Variants in CAPN9 observed in about 807,000 individuals in gnomAD.
The protein encoded by CAPN9 is calpain-9.
In CAPN9, 81 loss-of-function variants were observed where a neutral mutation model predicts 92.8. The observed-to-expected ratio is 0.87, with a 90% confidence interval of 0.73 to 1.05. CAPN9 has a LOEUF of 1.05. CAPN9 is among the 50% of genes least tolerant of loss of function. The probability of loss-of-function intolerance (pLI) is 0.00; values close to 1 mark genes in which losing one functional copy is unlikely to be tolerated. For synonymous variants in CAPN9, 304 were observed against 328.0 expected (o/e 0.93, Z 0.79); for missense variants, 848 against 866.2 (o/e 0.98, Z 0.26).
chr1:230,755,366 T>C lies in CAPN9; in HGVS notation c.243T>C (p.Leu81=). The C allele has an allele frequency of 6.2e-7, 1 of 1,610,494 alleles. No homozygotes were observed. ...GEIVKNPEFI[L]GGATRTDICQ... ...TCGTGAAAAACCCAGAATTCATTCTTGGAGGGGCCACCAGGACTGATATCT... is the reference window on the plus strand; with the variant it reads ...TCGTGAAAAACCCAGAATTCATTCTCGGAGGGGCCACCAGGACTGATATCT... Residue 81 remains leucine, a synonymous_variant, in exon 2 of 20, where the codon CTT becomes CTC. Coordinates refer to ENST00000271971, the MANE Select transcript of CAPN9 (RefSeq NM_006615.3).
At position 230,791,982 on chromosome 1, in the gene CAPN9, CAGTAG is replaced by C. The variant is rs1391873558; in HGVS notation, c.1722+59_1722+63del. 6 of 1,276,016 alleles carry C rather than the reference CAGTAG, an allele frequency of 4.7e-6. No homozygotes were observed. In the East Asian group the frequency reaches 1.4e-4, roughly 29 times the overall value. The allele number at this position is 1,276,016 out of a possible 1,614,324, so 79.0% of individuals were successfully genotyped here. A position where few individuals can be genotyped will look rare whatever the true frequency, so the allele number is the denominator to read the frequency against. ...AGACATGGATCCTGGGCTTTAAGCA[CAGTAG>C]AGTAATCTTCAATAGTGCAGACTCT... On this transcript the variant is annotated intron_variant, in intron 15 of 19. Coordinates refer to ENST00000271971, the MANE Select transcript of CAPN9 (RefSeq NM_006615.3).
chr1:230,783,030 T>C (rs1167265461), intron 11 of CAPN9, among the ~76,000 whole-genome samples: 1 of 151,942 alleles, frequency 6.6e-6, no homozygotes, highest in East Asian at 1.9e-4. Flanking sequence ...AAAATGGTGG[T>C]TTTTTTGGTT....
chr1:230,755,204 C>A (rs1206390820), intron 1 of CAPN9, 133 bp from the exon 2 acceptor site: 7 of 684,698 alleles, frequency 1.0e-5, no homozygotes, highest in Middle Eastern at 2.6e-4. Context: ...ATCCACGTGG[C>A]CCTCCTCAGG....
At chr1:230,751,507 G>A (rs111328775) in intron 1 of CAPN9, among the ~76,000 whole-genome samples, 27,063 of 145,878 alleles carry the variant, frequency 0.19, 3,090 homozygotes, top group Non-Finnish European at 0.25. Context: ...AGGAAGGAAA[G>A]AAGGAAGGAA....
intron 3 of CAPN9, among the ~76,000 whole-genome samples, chr1:230,760,772 G>A (rs1665583114): frequency 6.6e-6 from 1 of 152,214 alleles, no homozygotes; most frequent in South Asian, 2.1e-4. Context: ...CCAGGAGCCG[G>A]TCTTTCCCCA....
At chr1:230,792,387 G>T in intron 15 of CAPN9, 39 bp from the exon 16 acceptor site, 1 of 1,586,800 alleles carries the variant, frequency 6.3e-7, no homozygotes, top group South Asian at 1.1e-5. Context: ...GCCTCAGGTT[G>T]AAACACTGCT....
intron 19 of CAPN9, among the ~76,000 whole-genome samples, chr1:230,800,298 GAAA>G (rs1668640121): frequency 2.1e-5 from 2 of 95,850 alleles, no homozygotes; most frequent in African/African-American, 7.9e-5. Flanking sequence ...AAGAAAGAAA[GAAA>G]GAAAGGAAAA....
Position 230,774,535 on chromosome 1 carries a change from C to A in CAPN9, c.876-19C>A. ...TTCATCATGACCTCTGCCTGAACAC[C>A]AATTTTGTTTACTCCTAGTTCTCCG... On this transcript the variant is annotated intron_variant, in intron 7 of 19. Coordinates refer to ENST00000271971, the MANE Select transcript of CAPN9 (RefSeq NM_006615.3). 6.3e-7 allele frequency: 1 copy of A among 1,588,172 alleles called. No homozygotes were observed. The highest frequency in any genetic ancestry group is 8.6e-7 in the Non-Finnish European group (1 of 1,156,394).
rs1558100247 is a variant in CAPN9 at position 230,774,744 on chromosome 1, T to TTCTTTC, written c.953+114_953+115insCTTTCT. ...TCCTTTTTCTTTCTTTCTTTCTTTT[T>TTCTTTC]TTTTTTTTTTTTTTGAGACGGAGTT... On this transcript the variant is annotated intron_variant, in intron 8 of 19. Coordinates refer to ENST00000271971, the MANE Select transcript of CAPN9 (RefSeq NM_006615.3). 4.4e-3 allele frequency: 2,531 copies of TTCTTTC among 575,442 alleles called. 2 individuals carry two copies. The highest frequency in any genetic ancestry group is 0.012 in the Middle Eastern group (25 of 2,110). 35.6% of individuals were successfully genotyped at this position (575,442 alleles called of 1,614,324 possible).
At chr1:230,756,305 T>TGA (rs113474263) in intron 2 of CAPN9, among the ~76,000 whole-genome samples, 7,907 of 141,250 alleles carry the variant, frequency 0.056, 249 homozygotes, top group Non-Finnish European at 0.067. Flanking sequence ...GAGAGACAAT[T>TGA]GAGAGAGAGA....
chr1:230,755,653 G>C (rs1665176865), intron 2 of CAPN9, among the ~76,000 whole-genome samples: 1 of 152,196 alleles, frequency 6.6e-6, no homozygotes, highest in Non-Finnish European at 1.5e-5. Context: ...AGAGGAAAGT[G>C]ACACCCAGCA....
intron 2 of CAPN9, among the ~76,000 whole-genome samples, chr1:230,758,771 G>A (rs528673376): frequency 1.1e-4 from 17 of 152,262 alleles, no homozygotes; most frequent in East Asian, 5.8e-4. Context: ...AAGGTGATTC[G>A]GATAAATGGA....
chr1:230,800,251 A>G (rs985841989), intron 19 of CAPN9, among the ~76,000 whole-genome samples: 1 of 114,948 alleles, frequency 8.7e-6, no homozygotes, highest in Admixed American at 9.2e-5. Context: ...AGAAAGAAAG[A>G]AAGAAAGAAA....
At chr1:230,782,171 C>T (rs758187065) in intron 11 of CAPN9, among the ~76,000 whole-genome samples, 6 of 152,120 alleles carry the variant, frequency 3.9e-5, no homozygotes, top group Non-Finnish European at 7.4e-5. Context: ...GTGACTTGTA[C>T]ATGGCAAAAA....
At chr1:230,753,964 C>T (rs1665037964) in intron 1 of CAPN9, among the ~76,000 whole-genome samples, 1 of 152,082 alleles carries the variant, frequency 6.6e-6, no homozygotes, top group South Asian at 2.1e-4. Flanking sequence ...CCTCTCCATC[C>T]TCGCTCTTTT....
At chr1:230,791,608 A>T (rs1667995016) in intron 14 of CAPN9, among the ~76,000 whole-genome samples, 1 of 152,212 alleles carries the variant, frequency 6.6e-6, no homozygotes, top group Non-Finnish European at 1.5e-5. Context: ...TTCATATGTT[A>T]TTCTTTGCTC....
At chr1:230,769,367 G>A (rs1666230159) in intron 6 of CAPN9, 104 bp downstream of exon 6, 1 of 831,520 alleles carries the variant, frequency 1.2e-6, no homozygotes. Context: ...CTGCCTTTCA[G>A]GCATTTCAGA....
chr1:230,762,593 AGGGCCTG>A (rs1454282659), intron 3 of CAPN9, 53 bp from the exon 4 acceptor site: 13 of 1,581,264 alleles, frequency 8.2e-6, no homozygotes, highest in Non-Finnish European at 4.3e-6. Context: ...ATTTACAAAC[AGGGCCTG>A]GAGCTCCCAT....
intron 5 of CAPN9, 85 bp from the exon 6 acceptor site, chr1:230,769,095 C>A (rs564668274): frequency 2.8e-6 from 3 of 1,079,774 alleles, no homozygotes; most frequent in Middle Eastern, 2.7e-4. Flanking sequence ...AGGTTGTGAC[C>A]GGGCCAGGCA....
Sources: gnomAD v4.1 joint callset for allele counts (sites outside exome capture counted in the v4.1 genomes callset) on GRCh38, gnomAD v4.1.1 for gene constraint, MANE v1.5 for transcripts, NCBI Gene and HGNC (gene_info 2026-07-23, HGNC 2026-07-21) for gene names.